The following HSD17B2 variants were observed in gnomAD, a reference collection of about 807,000 sequenced individuals.
HSD17B2 encodes hydroxysteroid 17-beta dehydrogenase 2, also known as 17-beta-hydroxysteroid dehydrogenase type 2.
HSD17B2 carries 32 observed loss-of-function variants against 26.9 expected under a neutral mutation model. That is an observed-to-expected ratio of 1.19 (90% CI 0.90 to 1.60). The LOEUF (loss-of-function observed/expected upper bound fraction) is 1.60, where lower values mean the gene tolerates loss of function less well. Ranked by LOEUF, HSD17B2 falls within the 40% of genes most tolerant of loss-of-function variation. The pLI is 0.00. For missense variants in HSD17B2, 613 were observed against 468.6 expected, an observed-to-expected ratio of 1.31 and a Z score of -2.85; for synonymous variants, 246 against 186.7, an observed-to-expected ratio of 1.32 and a Z score of -2.59.
At chr16:82,045,142 A>G (rs937025173) in intron 1 of HSD17B2, among the ~76,000 whole-genome samples, 28 of 150,608 alleles carry the variant, frequency 1.9e-4, no homozygotes, top group East Asian at 3.9e-4. Flanking sequence ...AAAAAAAAAA[A>G]AGAGAGAAAA....
rs759196092 is a variant in HSD17B2, at chr16:82,066,799, T to C, written c.266-1371T>C. On this transcript the variant is annotated intron_variant, in intron 1 of 4. Coordinates refer to ENST00000199936, the MANE Select transcript of HSD17B2 (RefSeq NM_002153.3). Reference sequence around the variant, plus strand: ...AAAGCATCTTGGAGCAATAGCCATGTCATTGTCAATAGTTCTATTCCATCT... The same window carrying C: ...AAAGCATCTTGGAGCAATAGCCATGCCATTGTCAATAGTTCTATTCCATCT... Among the ~76,000 whole-genome samples the C allele has an allele frequency of 9.3e-4, 142 of 152,230 alleles. 2 individuals carry two copies. Among genetic ancestry groups the C allele is most frequent in the Non-Finnish European group, 3.1e-4 (21 of 68,044 alleles).
chr16:82,077,608 T>C (rs1334978338), intron 3 of HSD17B2, among the ~76,000 whole-genome samples: 3 of 152,136 alleles, frequency 2.0e-5, no homozygotes. Context: ...CATGTGCCTG[T>C]AGTCCTAGCT....
intron 4 of HSD17B2, 49 bp from the exon 5 acceptor site, chr16:82,098,026 C>A: frequency 6.4e-7 from 1 of 1,556,672 alleles, no homozygotes; most frequent in Non-Finnish European, 8.7e-7. Context: ...TGCTCCCTGA[C>A]TTCCTTGGCC....
intron 1 of HSD17B2, among the ~76,000 whole-genome samples, chr16:82,066,463 T>C (rs573746911): frequency 2.0e-5 from 3 of 152,322 alleles, no homozygotes; most frequent in African/African-American, 7.2e-5. Flanking sequence ...TCCACCTTTT[T>C]CTACACTTAG....
chr16:82,049,737 C>A (rs1914048708), intron 1 of HSD17B2, among the ~76,000 whole-genome samples: 1 of 152,226 alleles, frequency 6.6e-6, no homozygotes, highest in Non-Finnish European at 1.5e-5. Flanking sequence ...ACAAGCAGTT[C>A]ATTGTTTTTA....
chr16:82,052,741 A>G (rs1346267310), intron 1 of HSD17B2, among the ~76,000 whole-genome samples: 1 of 152,324 alleles, frequency 6.6e-6, no homozygotes, highest in South Asian at 2.1e-4. Flanking sequence ...TGGGCAGTCT[A>G]CTGAAGATCA....
chr16:82,046,098 C>T (rs1052880987), intron 1 of HSD17B2, among the ~76,000 whole-genome samples: 1 of 152,182 alleles, frequency 6.6e-6, no homozygotes, highest in Non-Finnish European at 1.5e-5. Context: ...TGATGTGAGC[C>T]GTGGCTGGGG....
chr16:82,047,288 C>G (rs1913961741), intron 1 of HSD17B2, among the ~76,000 whole-genome samples: 1 of 152,158 alleles, frequency 6.6e-6, no homozygotes, highest in Admixed American at 6.5e-5. Flanking sequence ...CAGAACCTAC[C>G]TGGTATGTTG....
chr16:82,055,737 G>GT (rs1914246489), intron 1 of HSD17B2, among the ~76,000 whole-genome samples: 1 of 152,178 alleles, frequency 6.6e-6, no homozygotes, highest in African/African-American at 2.4e-5. Flanking sequence ...GAGAGATGTG[G>GT]TAAGAATGGA....
At chr16:82,070,464 T>A (rs1371990178) in intron 2 of HSD17B2, among the ~76,000 whole-genome samples, 2 of 152,214 alleles carry the variant, frequency 1.3e-5, no homozygotes, top group African/African-American at 4.8e-5. Flanking sequence ...CTTCACAGCA[T>A]TCACATTCTA....
Position 82,098,247 on chromosome 16 carries a change from C to T in HSD17B2, c.975C>T (p.Ile325=), listed in dbSNP as rs1904913875. ...ACTTCTCTCCGGTGCTGCGGGACAT[C>T]CAGCATGCTATCTTGGCGAAGAGCC... ...SKDFSPVLRD[I]QHAILAKSPF... Residue 325 remains isoleucine, a synonymous_variant, in exon 5 of 5, where the codon ATC becomes ATT. Coordinates refer to ENST00000199936, the MANE Select transcript of HSD17B2 (RefSeq NM_002153.3). 1 of 1,614,074 alleles carries T rather than the reference C, an allele frequency of 6.2e-7. No individual in the cohort carries two copies. Among genetic ancestry groups the T allele is most frequent in the Admixed American group, 1.7e-5 (1 of 60,004 alleles).
chr16:82,076,330 G>A (rs1261664782), intron 3 of HSD17B2, among the ~76,000 whole-genome samples: 5 of 152,256 alleles, frequency 3.3e-5, no homozygotes, highest in East Asian at 1.9e-4. Context: ...TCTAGAACAC[G>A]ACAAGGATGC....
intron 3 of HSD17B2, among the ~76,000 whole-genome samples, chr16:82,076,145 T>C (rs527481381): frequency 5.6e-4 from 86 of 152,266 alleles, no homozygotes; most frequent in African/African-American, 2.0e-3. Flanking sequence ...ATCATTTCAA[T>C]TGATTCTAAG....
chr16:82,045,386 C>T (rs1276552638), intron 1 of HSD17B2, among the ~76,000 whole-genome samples: 1 of 152,132 alleles, frequency 6.6e-6, no homozygotes, highest in East Asian at 1.9e-4. Context: ...AGCTGCTTCA[C>T]CTCTATGAGG....
intron 1 of HSD17B2, among the ~76,000 whole-genome samples, chr16:82,038,887 T>A (rs1016116480): frequency 1.3e-5 from 2 of 152,006 alleles, no homozygotes; most frequent in African/African-American, 4.8e-5. Context: ...GCTGTGCCAA[T>A]TGGAGACTAG....
At chr16:82,068,938 G>C (rs898783233) in intron 2 of HSD17B2, among the ~76,000 whole-genome samples, 1 of 152,060 alleles carries the variant, frequency 6.6e-6, no homozygotes, top group Non-Finnish European at 1.5e-5. Flanking sequence ...TAAATTCTGG[G>C]TTACACGTGC....
At chr16:82,083,043 G>C (rs1031056016) in intron 3 of HSD17B2, among the ~76,000 whole-genome samples, 5 of 152,124 alleles carry the variant, frequency 3.3e-5, no homozygotes, top group African/African-American at 9.7e-5. Flanking sequence ...GCTCTTCCCA[G>C]TGGTACCTTA....
At chr16:82,076,602 G>C (rs978975731) in intron 3 of HSD17B2, among the ~76,000 whole-genome samples, 25 of 152,192 alleles carry the variant, frequency 1.6e-4, no homozygotes, top group African/African-American at 5.3e-4. Flanking sequence ...TTTAGACAGA[G>C]TCTCGCTCTG....
intron 3 of HSD17B2, among the ~76,000 whole-genome samples, chr16:82,082,107 ACTT>A (rs1442496087): frequency 6.6e-6 from 1 of 152,112 alleles, no homozygotes; most frequent in African/African-American, 2.4e-5. Context: ...TGCAGCCTCT[ACTT>A]CTTGGCAACC....
Sources: gnomAD v4.1 joint callset for allele counts (sites outside exome capture counted in the v4.1 genomes callset) on GRCh38, gnomAD v4.1.1 for gene constraint, MANE v1.5 for transcripts, NCBI Gene and HGNC (gene_info 2026-07-23, HGNC 2026-07-21) for gene names.